The following DLG2 variants were observed in gnomAD, a reference collection of about 807,000 sequenced individuals.
The protein encoded by DLG2 is disks large homolog 2.
A neutral mutation model predicts 132.5 loss-of-function variants in DLG2; 45 were observed. The ratio of observed to expected loss-of-function variants is 0.34; its 90% CI spans 0.27 to 0.44. DLG2 has a LOEUF of 0.44. Among genes scored for constraint, DLG2 ranks in the 20% least tolerant of loss-of-function variants. The pLI, the probability that DLG2 is intolerant of heterozygous loss-of-function variation, is 1.00. For synonymous variants in DLG2, 424 were observed against 419.6 expected, an observed-to-expected ratio of 1.01 and a Z score of -0.13; for missense variants, 1,045 against 1,196.9, an observed-to-expected ratio of 0.87 and a Z score of 1.87.
chr11:85,449,787 A>G (rs543072668), intron 3 of DLG2, among the ~76,000 whole-genome samples: 34 of 58,666 alleles, frequency 5.8e-4, no homozygotes, highest in African/African-American at 2.2e-3. Context: ...GGAACTACCT[A>G]AAGTTTTTTT....
intron 7 of DLG2, among the ~76,000 whole-genome samples, chr11:84,385,377 G>A (rs1303500862): frequency 2.6e-5 from 4 of 152,062 alleles, no homozygotes; most frequent in South Asian, 4.1e-4. Flanking sequence ...TCAGGCTTTA[G>A]AGATTTCTAA....
chr11:84,312,245 G>A (rs2098295041), intron 7 of DLG2, among the ~76,000 whole-genome samples: 1 of 152,158 alleles, frequency 6.6e-6, no homozygotes, highest in African/African-American at 2.4e-5. Flanking sequence ...GCTGAGGCGG[G>A]CAGATCACAG....
At chr11:84,968,928 T>G (rs2154113392) in intron 6 of DLG2, among the ~76,000 whole-genome samples, 1 of 152,284 alleles carries the variant, frequency 6.6e-6, no homozygotes, top group Non-Finnish European at 1.5e-5. Context: ...CCCTTCATCT[T>G]TAGTTCTTTC....
At chr11:84,493,323 G>A (rs1413794307) in intron 7 of DLG2, among the ~76,000 whole-genome samples, 1 of 152,100 alleles carries the variant, frequency 6.6e-6, no homozygotes, top group Admixed American at 6.6e-5. Context: ...GTTTTGCTAA[G>A]CAGAACAAAG....
chr11:85,209,443 G>GTTTTTT (rs1171176251), intron 4 of DLG2, among the ~76,000 whole-genome samples: 106 of 25,870 alleles, frequency 4.1e-3, no homozygotes, highest in Non-Finnish European at 6.8e-3. Flanking sequence ...AAAGAAATCA[G>GTTTTTT]TCTTTTTTTT....
rs150367148 is a variant in DLG2, at chr11:85,464,244, G to C, written c.40+134413C>G. Among the ~76,000 whole-genome samples, 271 of 152,264 alleles carry C rather than the reference G, an allele frequency of 1.8e-3. 1 individual carries two copies. The highest frequency in any genetic ancestry group is 3.0e-3 in the Non-Finnish European group (202 of 68,028). On this transcript the variant is annotated intron_variant, in intron 3 of 27. Transcript: ENST00000376104. ...ATCACCAGATGGATTCTTCCTGCCTGCTGCACAGACAAAATCAATCCACTG... is the reference window on the plus strand; with the variant it reads ...ATCACCAGATGGATTCTTCCTGCCTCCTGCACAGACAAAATCAATCCACTG...
chr11:85,086,140 T>G (rs1280018586), intron 6 of DLG2, among the ~76,000 whole-genome samples: 2 of 152,176 alleles, frequency 1.3e-5, no homozygotes, highest in Non-Finnish European at 2.9e-5. Context: ...CTTTCCATAA[T>G]TCTAATGTTT....
At chr11:84,286,355 G>GT (rs2097910035) in intron 7 of DLG2, among the ~76,000 whole-genome samples, 1 of 151,994 alleles carries the variant, frequency 6.6e-6, no homozygotes. Flanking sequence ...GTGCAAGGGG[G>GT]TAAAAAAAAG....
At chr11:84,710,458 C>T (rs953350493) in intron 6 of DLG2, among the ~76,000 whole-genome samples, 3 of 151,870 alleles carry the variant, frequency 2.0e-5, no homozygotes, top group Admixed American at 6.6e-5. Context: ...AGAGAAAAAT[C>T]GAAGTCTCCT....
chr11:84,370,434 G>A (rs562759819), intron 7 of DLG2, among the ~76,000 whole-genome samples: 2 of 152,202 alleles, frequency 1.3e-5, no homozygotes, highest in South Asian at 4.2e-4. Context: ...GAAGTTTGGG[G>A]TCAGACAGAT....
intron 7 of DLG2, chr11:84,317,223 C>T: frequency 6.6e-7 from 1 of 1,523,610 alleles, no homozygotes; most frequent in Non-Finnish European, 8.8e-7. Context: ...TTCTTCCAGC[C>T]AGTTGTAAAA....
intron 3 of DLG2, among the ~76,000 whole-genome samples, chr11:85,324,460 C>T (rs1378157187): frequency 6.6e-6 from 1 of 152,086 alleles, no homozygotes; most frequent in Non-Finnish European, 1.5e-5. Context: ...TTAAGATTTT[C>T]ATCAAAAATT....
chr11:85,601,756 T>C (rs1180890342), intron 2 of DLG2, among the ~76,000 whole-genome samples: 1 of 152,180 alleles, frequency 6.6e-6, no homozygotes, highest in Non-Finnish European at 1.5e-5. Flanking sequence ...CAGCACTCTC[T>C]CCCAGATTGT....
chr11:84,205,319 G>A (rs1311604099), intron 8 of DLG2, among the ~76,000 whole-genome samples: 1 of 152,098 alleles, frequency 6.6e-6, no homozygotes, highest in Non-Finnish European at 1.5e-5. Context: ...TCCTCTTTGA[G>A]TAATTGAGTG....
intron 19 of DLG2, among the ~76,000 whole-genome samples, chr11:83,604,279 C>T (rs2059003092): frequency 6.6e-6 from 1 of 152,170 alleles, no homozygotes; most frequent in African/African-American, 2.4e-5. Flanking sequence ...ATAAGAGATT[C>T]CACCTATTTC....
At chr11:83,771,871 A>G (rs2094406798) in intron 18 of DLG2, among the ~76,000 whole-genome samples, 1 of 152,218 alleles carries the variant, frequency 6.6e-6, no homozygotes, top group African/African-American at 2.4e-5. Flanking sequence ...ATATCTTTAT[A>G]TGAAGATGTC....
chr11:83,906,314 CACA>C (rs2074950947), intron 15 of DLG2, among the ~76,000 whole-genome samples: 1 of 132,188 alleles, frequency 7.6e-6, no homozygotes, highest in South Asian at 2.5e-4. Context: ...CACACACACA[CACA>C]CACCTCGGCC....
At chr11:84,329,759 G>C (rs1279862313) in intron 7 of DLG2, among the ~76,000 whole-genome samples, 1 of 152,168 alleles carries the variant, frequency 6.6e-6, no homozygotes, top group Non-Finnish European at 1.5e-5. Context: ...TTTCATTGTT[G>C]CATAAATATT....
intron 6 of DLG2, among the ~76,000 whole-genome samples, chr11:84,782,029 A>G (rs927383103): frequency 6.6e-6 from 1 of 152,118 alleles, no homozygotes; most frequent in African/African-American, 2.4e-5. Context: ...TTGGAATACC[A>G]TTAGCAGCCA....
Sources: allele counts gnomAD v4.1 joint callset (sites outside exome capture counted in the v4.1 genomes callset), GRCh38; gene constraint gnomAD v4.1.1; transcripts MANE v1.5; gene names NCBI Gene and HGNC (gene_info 2026-07-23, HGNC 2026-07-21).